The following NDST4 variants were observed in gnomAD, a reference collection of about 807,000 sequenced individuals.
The protein encoded by NDST4 is N-deacetylase and N-sulfotransferase 4, also known as N-heparan sulfate sulfotransferase 4.
A neutral mutation model predicts 100.8 loss-of-function variants in NDST4; 63 were observed. The ratio of observed to expected loss-of-function variants is 0.62; its 90% CI spans 0.51 to 0.77. The LOEUF is 0.77. NDST4 is among the 30% of genes least tolerant of loss of function. The probability of loss-of-function intolerance (pLI) is 0.00; values close to 1 mark genes in which losing one functional copy is unlikely to be tolerated. For synonymous variants in NDST4, 377 were observed against 361.8 expected (o/e 1.04, Z -0.48); for missense variants, 943 against 1,018.4 (o/e 0.93, Z 1.01).
In NDST4 at chr4:115,039,896, A is replaced by G. The variant is rs985534385; in HGVS notation, c.978+36163T>C. ...TGAGAATAATAAAAGAGCTCAAATA[A>G]TTCATTTTCCATTATCTCATGATAA... is the stretch of plus-strand genomic sequence containing the variant. On this transcript the variant is annotated intron_variant, in intron 2 of 13. Transcript: ENST00000264363. Among the ~76,000 whole-genome samples the G allele has an allele frequency of 4.6e-5, 7 of 152,184 alleles. No individual in the cohort carries two copies. In the East Asian group the frequency reaches 1.4e-3, roughly 29 times the overall value.
rs144244993 is a variant in NDST4 at position 114,957,220 on chromosome 4, T to G, written c.1221+13210A>C. Among the ~76,000 whole-genome samples, 1,181 of 152,270 alleles carry G rather than the reference T, an allele frequency of 7.8e-3. 15 individuals carry two copies. The highest frequency in any genetic ancestry group is 0.02 in the Middle Eastern group (6 of 294). On this transcript the variant is annotated intron_variant, in intron 4 of 13. Coordinates refer to ENST00000264363, the MANE Select transcript of NDST4 (RefSeq NM_022569.3). ...CTATGAAGAAATACCCAAGACTGAG[T>G]AATTTATAAAGAAAAAGAGTTTTAA...
chr4:114,847,416 A>T (rs6854144), intron 9 of NDST4, among the ~76,000 whole-genome samples: 11,949 of 102,206 alleles, frequency 0.12, 2,077 homozygotes, highest in African/African-American at 0.31. Context: ...AAAAAAAAAA[A>T]GTGTCTTTCA....
intron 4 of NDST4, among the ~76,000 whole-genome samples, chr4:114,955,617 T>C (rs1276651301): frequency 6.6e-6 from 1 of 152,210 alleles, no homozygotes; most frequent in Non-Finnish European, 1.5e-5. Flanking sequence ...GATGCAGAGT[T>C]GTGCAATGGT....
intron 1 of NDST4, among the ~76,000 whole-genome samples, chr4:115,088,822 T>C (rs1350927208): frequency 6.6e-6 from 1 of 152,092 alleles, no homozygotes; most frequent in Non-Finnish European, 1.5e-5. Context: ...TAATCAGTTC[T>C]TATTCATTTT....
chr4:115,004,708 T>C (rs1485083032), intron 2 of NDST4, among the ~76,000 whole-genome samples: 5 of 152,206 alleles, frequency 3.3e-5, no homozygotes, highest in African/African-American at 1.2e-4. Flanking sequence ...ATAACAGGTG[T>C]ATTAGTCCAG....
intron 6 of NDST4, among the ~76,000 whole-genome samples, chr4:114,884,159 C>T (rs187207482): frequency 1.3e-5 from 2 of 152,158 alleles, no homozygotes; most frequent in South Asian, 2.1e-4. Context: ...CCAGAGCTGA[C>T]GCTGGACTTT....
chr4:114,845,189 G>A (rs189677212), intron 10 of NDST4, among the ~76,000 whole-genome samples: 24 of 152,120 alleles, frequency 1.6e-4, no homozygotes, highest in East Asian at 3.9e-4. Context: ...ACAAATAGGC[G>A]GGTGTGGTGG....
intron 2 of NDST4, among the ~76,000 whole-genome samples, chr4:115,049,644 T>A (rs569851990): frequency 6.6e-6 from 1 of 152,252 alleles, no homozygotes; most frequent in African/African-American, 2.4e-5. Flanking sequence ...GGAAAGGAGT[T>A]TTGCCCTGTG....
chr4:114,827,916 T>C lies in NDST4; in HGVS notation c.2519A>G (p.Asn840Ser). ...TTCCACATTATGATCTCGGTAGTAA[T>C]TAGAGAGGAACGTTCTAGACTGGAA... ...MDPESRTFLSNYYRDHNVELS... is the reference protein window; with the variant it reads ...MDPESRTFLSSYYRDHNVELS... Residue 840 changes from asparagine to serine, a missense_variant, in exon 14 of 14, where the codon AAT (asparagine) becomes AGT (serine). By Grantham distance (46) the Asn-to-Ser change is conservative. Coordinates refer to ENST00000264363, the MANE Select transcript of NDST4 (RefSeq NM_022569.3). 1 of 1,607,480 alleles carries C rather than the reference T, an allele frequency of 6.2e-7. No individual in the cohort carries two copies. Among genetic ancestry groups the C allele is most frequent in the South Asian group, 1.1e-5 (1 of 88,948 alleles).
chr4:114,986,793 C>CATACATAT lies in NDST4; in HGVS notation c.979-9520_979-9519insATATGTAT, dbSNP rs1553959380. On this transcript the variant is annotated intron_variant, in intron 2 of 13. Transcript: ENST00000264363. Reference sequence around the variant, plus strand: ...CCTCTAAGCCTGGTATCCAATTATACATATATATATATATATATATATATA... The same window carrying CATACATAT: ...CCTCTAAGCCTGGTATCCAATTATACATACATATATATATATATATATATATATATATA... Among the ~76,000 whole-genome samples the CATACATAT allele has an allele frequency of 2.3e-3, 214 of 91,128 alleles. 5 individuals are homozygous for CATACATAT. Among genetic ancestry groups the CATACATAT allele is most frequent in the African/African-American group, 9.0e-3 (200 of 22,104 alleles). The allele number at this position is 91,128 out of a possible 152,430, so 59.8% of individuals were successfully genotyped here.
chr4:114,949,629 A>T (rs1427271516), intron 4 of NDST4, among the ~76,000 whole-genome samples: 1 of 152,026 alleles, frequency 6.6e-6, no homozygotes, highest in African/African-American at 2.4e-5. Context: ...AAGAAATAAA[A>T]GCTAAGGGCA....
intron 2 of NDST4, among the ~76,000 whole-genome samples, chr4:115,010,884 AG>A (rs1727529686): frequency 6.6e-6 from 1 of 152,084 alleles, no homozygotes; most frequent in African/African-American, 2.4e-5. Context: ...ACTAATAAAA[AG>A]TTATTGCTTA....
At chr4:114,836,100 A>T (rs1314357184) in intron 11 of NDST4, among the ~76,000 whole-genome samples, 2 of 152,242 alleles carry the variant, frequency 1.3e-5, no homozygotes, top group Admixed American at 6.5e-5. Context: ...TGGGGCATTT[A>T]ACCCATTTAC....
intron 2 of NDST4, among the ~76,000 whole-genome samples, chr4:114,985,047 G>A (rs1271387234): frequency 6.6e-6 from 1 of 152,118 alleles, no homozygotes; most frequent in Non-Finnish European, 1.5e-5. Flanking sequence ...AAATGGTTTA[G>A]CTCAGATTGT....
intron 6 of NDST4, among the ~76,000 whole-genome samples, chr4:114,891,362 C>A (rs1724592766): frequency 6.6e-6 from 1 of 152,088 alleles, no homozygotes; most frequent in South Asian, 2.1e-4. Flanking sequence ...CATTTGCAAT[C>A]TGAAATGTAG....
chr4:115,065,647 A>G (rs1319821042), intron 2 of NDST4, among the ~76,000 whole-genome samples: 2 of 152,070 alleles, frequency 1.3e-5, no homozygotes, highest in Non-Finnish European at 2.9e-5. Context: ...GTCTCCTCAA[A>G]ACAACTCCCT....
At chr4:114,914,333 T>C (rs1725124320) in intron 6 of NDST4, among the ~76,000 whole-genome samples, 1 of 152,296 alleles carries the variant, frequency 6.6e-6, no homozygotes, top group African/African-American at 2.4e-5. Flanking sequence ...ATAGTTGGAT[T>C]GCTTGTAACA....
chr4:114,919,625 C>T (rs916515460), intron 6 of NDST4, among the ~76,000 whole-genome samples: 3 of 152,150 alleles, frequency 2.0e-5, no homozygotes, highest in South Asian at 2.1e-4. Flanking sequence ...GCAGAGAGGG[C>T]GGCAGAGGGC....
intron 4 of NDST4, among the ~76,000 whole-genome samples, chr4:114,954,380 T>G (rs1442869038): frequency 6.6e-6 from 1 of 152,130 alleles, no homozygotes; most frequent in Non-Finnish European, 1.5e-5. Context: ...ATATCTATCA[T>G]GAGGCTTAAA....
Sources: gnomAD v4.1 joint callset for allele counts (sites outside exome capture counted in the v4.1 genomes callset) on GRCh38, gnomAD v4.1.1 for gene constraint, MANE v1.5 for transcripts, NCBI Gene and HGNC (gene_info 2026-07-23, HGNC 2026-07-21) for gene names.